The following DPYD variants were observed in gnomAD, a reference collection of about 807,000 sequenced individuals.
The protein encoded by DPYD is dihydropyrimidine dehydrogenase.
DPYD carries 109 observed loss-of-function variants against 116.2 expected under a neutral mutation model. The ratio of observed to expected loss-of-function variants is 0.94; its 90% CI spans 0.80 to 1.10. DPYD has a LOEUF of 1.10. DPYD is among the 50% of genes least tolerant of loss of function. The pLI, the probability that DPYD is intolerant of heterozygous loss-of-function variation, is 0.00. For synonymous variants in DPYD, 440 were observed against 432.0 expected, an observed-to-expected ratio of 1.02 and a Z score of -0.23; for missense variants, 1,302 against 1,254.5, an observed-to-expected ratio of 1.04 and a Z score of -0.57.
chr1:97,433,329 G>A (rs1675287253), intron 14 of DPYD, among the ~76,000 whole-genome samples: 1 of 151,924 alleles, frequency 6.6e-6, no homozygotes, highest in Non-Finnish European at 1.5e-5. Flanking sequence ...TCCGTGCCTG[G>A]GCTTCTTGGG....
At chr1:97,351,020 G>T (rs6700063) in intron 16 of DPYD, among the ~76,000 whole-genome samples, 142,250 of 152,174 alleles carry the variant, frequency 0.93, 67,250 homozygotes, top group East Asian at 1. Flanking sequence ...TGGGAGGTTT[G>T]CTGAACTTTG....
At chr1:97,322,309 G>A (rs1332432316) in intron 16 of DPYD, among the ~76,000 whole-genome samples, 2 of 151,242 alleles carry the variant, frequency 1.3e-5, no homozygotes, top group African/African-American at 4.8e-5. Flanking sequence ...GCTGCTGTAG[G>A]AGCTGGAAAG....
At chr1:97,239,897 C>T (rs572248820) in intron 18 of DPYD, among the ~76,000 whole-genome samples, 4 of 151,996 alleles carry the variant, frequency 2.6e-5, no homozygotes, top group South Asian at 2.1e-4. Flanking sequence ...ATATAAAAGG[C>T]GAGGACATAA....
intron 13 of DPYD, among the ~76,000 whole-genome samples, chr1:97,458,110 A>G (rs912158664): frequency 3.9e-5 from 6 of 152,202 alleles, no homozygotes; most frequent in African/African-American, 1.4e-4. Flanking sequence ...TAAGGCCCAG[A>G]ATAGCAGCTG....
intron 13 of DPYD, among the ~76,000 whole-genome samples, chr1:97,481,869 T>G (rs1022795889): frequency 3.9e-5 from 6 of 152,176 alleles, no homozygotes; most frequent in Admixed American, 3.9e-4. Flanking sequence ...TCTCTCTCTC[T>G]CTCTGTATAT....
In DPYD at chr1:97,210,926, G is replaced by A. The variant is rs527942827; in HGVS notation, c.2443-17678C>T. On this transcript the variant is annotated intron_variant, in intron 19 of 22. Coordinates refer to ENST00000370192, the MANE Select transcript of DPYD (RefSeq NM_000110.4). ...AGTATATATCGTGAATCTATTTGTT[G>A]CCATAACCACAGCTTCTTGCAACTG... Among the ~76,000 whole-genome samples, 191 of 152,130 alleles carry A rather than the reference G, an allele frequency of 1.3e-3. 1 individual carries two copies. The highest frequency in any genetic ancestry group is 1.5e-3 in the Non-Finnish European group (103 of 67,990).
intron 20 of DPYD, among the ~76,000 whole-genome samples, chr1:97,109,942 G>C (rs1651471240): frequency 6.6e-6 from 1 of 152,188 alleles, no homozygotes; most frequent in East Asian, 1.9e-4. Flanking sequence ...ATTTGGCAGA[G>C]TGCTCCACAA....
At chr1:97,595,583 T>C (rs1035619288) in intron 8 of DPYD, among the ~76,000 whole-genome samples, 1 of 151,884 alleles carries the variant, frequency 6.6e-6, no homozygotes, top group African/African-American at 2.4e-5. Flanking sequence ...TAAAATCATT[T>C]CTTTTTTAAT....
At chr1:97,297,596 A>T (rs1666610391) in intron 18 of DPYD, among the ~76,000 whole-genome samples, 1 of 152,208 alleles carries the variant, frequency 6.6e-6, no homozygotes, top group Non-Finnish European at 1.5e-5. Context: ...ATCATTGATT[A>T]TCTCCTCCCT....
intron 16 of DPYD, among the ~76,000 whole-genome samples, chr1:97,365,351 T>C (rs954260033): frequency 3.9e-5 from 6 of 152,226 alleles, no homozygotes; most frequent in African/African-American, 1.4e-4. Flanking sequence ...ACAATCTCTA[T>C]TATTCTTCTG....
At chr1:97,710,264 T>C (rs1027655474) in intron 5 of DPYD, among the ~76,000 whole-genome samples, 1 of 151,860 alleles carries the variant, frequency 6.6e-6, no homozygotes, top group African/African-American at 2.4e-5. Flanking sequence ...CATCCAAAAG[T>C]AAGTTTCCTG....
chr1:97,805,779 G>A (rs189434042), intron 3 of DPYD, among the ~76,000 whole-genome samples: 38 of 151,718 alleles, frequency 2.5e-4, no homozygotes, highest in Middle Eastern at 6.8e-3. Flanking sequence ...AATGATCACC[G>A]GCACAGGCGG....
At chr1:97,754,436 T>C (rs555450562) in intron 3 of DPYD, among the ~76,000 whole-genome samples, 4 of 152,236 alleles carry the variant, frequency 2.6e-5, no homozygotes, top group Non-Finnish European at 5.9e-5. Context: ...ACTATGCTCC[T>C]AATGAAATGC....
At chr1:97,517,596 C>T (rs961078085) in intron 12 of DPYD, among the ~76,000 whole-genome samples, 19 of 152,120 alleles carry the variant, frequency 1.2e-4, no homozygotes, top group African/African-American at 4.3e-4. Flanking sequence ...TCTCCTGGTC[C>T]CACTAACCAG....
At chr1:97,114,718 T>C (rs1570479009) in intron 20 of DPYD, among the ~76,000 whole-genome samples, 1 of 152,040 alleles carries the variant, frequency 6.6e-6, no homozygotes. Flanking sequence ...TGGCAGCCAA[T>C]AGTCTGAGGA....
intron 8 of DPYD, among the ~76,000 whole-genome samples, chr1:97,629,187 G>A (rs1209088018): frequency 6.6e-6 from 1 of 151,992 alleles, no homozygotes; most frequent in Non-Finnish European, 1.5e-5. Context: ...TAAATGGCAT[G>A]CGGATTCTGA....
chr1:97,660,923 C>T (rs953836168), intron 8 of DPYD, among the ~76,000 whole-genome samples: 1 of 152,134 alleles, frequency 6.6e-6, no homozygotes, highest in African/African-American at 2.4e-5. Context: ...TTTCTACTCA[C>T]TTCTTTATCT....
intron 20 of DPYD, among the ~76,000 whole-genome samples, chr1:97,185,402 C>A (rs1657926536): frequency 6.6e-6 from 1 of 152,076 alleles, no homozygotes; most frequent in Non-Finnish European, 1.5e-5. Flanking sequence ...AAGAGTAAAG[C>A]CACTTTGGAA....
rs143314936 is a variant in DPYD, at chr1:97,906,983, C to G, written c.39+13901G>C. Among the ~76,000 whole-genome samples the G allele has an allele frequency of 2.9e-3, 436 of 152,174 alleles. 2 individuals carry two copies. The highest frequency in any genetic ancestry group is 0.01 in the African/African-American group (420 of 41,540). ...AAGTAAAATATGCGTTTCTTGAATA[C>G]AAAGGACTCCAATATTGCCACAGTC... On this transcript the variant is annotated intron_variant, in intron 1 of 22. Coordinates refer to ENST00000370192, the MANE Select transcript of DPYD (RefSeq NM_000110.4).
Sources: allele counts gnomAD v4.1 joint callset (sites outside exome capture counted in the v4.1 genomes callset), GRCh38; gene constraint gnomAD v4.1.1; transcripts MANE v1.5; gene names NCBI Gene and HGNC (gene_info 2026-07-23, HGNC 2026-07-21).